The following RAB38 variants were observed in gnomAD, a reference collection of about 807,000 sequenced individuals.
RAB38 encodes ras-related protein Rab-38.
Under a neutral mutation model 18.4 loss-of-function variants are expected in RAB38, and 15 were observed. The observed-to-expected ratio is 0.82, with a 90% confidence interval of 0.55 to 1.26. The LOEUF (loss-of-function observed/expected upper bound fraction) is 1.26, where lower values mean the gene tolerates loss of function less well. Among genes scored for constraint, RAB38 ranks in the 50% most tolerant of loss-of-function variants. The pLI is 0.00. For missense variants in RAB38, 294 were observed against 267.4 expected (o/e 1.10, Z -0.69); for synonymous variants, 101 against 104.4 (o/e 0.97, Z 0.20).
the RAB38 span, among the ~76,000 whole-genome samples, chr11:87,963,771 C>T: frequency 6.6e-6 from 1 of 151,864 alleles, no homozygotes; most frequent in African/African-American, 2.4e-5. Flanking sequence ...CTCAGCCTCC[C>T]AAGTAGCTGG....
chr11:88,113,238 G>A (rs572372172), downstream of RAB38: 2 of 150,650 alleles, frequency 1.3e-5, no homozygotes, highest in Admixed American at 1.3e-4. Flanking sequence ...GAAACTTAAA[G>A]CACTTTCATA....
At chr11:87,884,033 A>T in the RAB38 span, among the ~76,000 whole-genome samples, 2 of 151,958 alleles carry the variant, frequency 1.3e-5, no homozygotes, top group Admixed American at 6.6e-5. Context: ...ATTATTAGGC[A>T]TGAAGGCCAC....
chr11:88,136,548 T>C (rs770254641), intron 2 of RAB38, among the ~76,000 whole-genome samples: 51 of 152,208 alleles, frequency 3.4e-4, no homozygotes, highest in Non-Finnish European at 7.2e-4. Context: ...TTAACATTGG[T>C]TCTGACAGAA....
At chr11:87,950,291 G>A in the RAB38 span, among the ~76,000 whole-genome samples, 7 of 152,106 alleles carry the variant, frequency 4.6e-5, no homozygotes, top group Non-Finnish European at 1.0e-4. Flanking sequence ...CTCTGCACGT[G>A]AGATGGGTTT....
chr11:87,967,431 T>G, the RAB38 span, among the ~76,000 whole-genome samples: 1 of 152,110 alleles, frequency 6.6e-6, no homozygotes, highest in East Asian at 1.9e-4. Context: ...GGATAATATA[T>G]TTTTTTAAAA....
chr11:87,843,783 T>A, the RAB38 span, among the ~76,000 whole-genome samples: 1 of 152,206 alleles, frequency 6.6e-6, no homozygotes, highest in African/African-American at 2.4e-5. Context: ...AGTATAGTTC[T>A]AAGCAAGGGT....
chr11:87,959,597 G>A, the RAB38 span, among the ~76,000 whole-genome samples: 1 of 152,178 alleles, frequency 6.6e-6, no homozygotes, highest in Admixed American at 6.6e-5. Flanking sequence ...TGGCCAGCCA[G>A]CTCATAGACG....
chr11:87,924,189 G>T, the RAB38 span, among the ~76,000 whole-genome samples: 7 of 152,038 alleles, frequency 4.6e-5, no homozygotes, highest in Non-Finnish European at 8.8e-5. Flanking sequence ...AGGTTAACTT[G>T]CTTCCCCAAT....
chr11:88,038,161 A>G, the RAB38 span, among the ~76,000 whole-genome samples: 55 of 152,270 alleles, frequency 3.6e-4, no homozygotes, highest in Non-Finnish European at 6.8e-4. Flanking sequence ...ACATGACCCA[A>G]GATATTTCCC....
At chr11:87,830,256 G>A in the RAB38 span, among the ~76,000 whole-genome samples, 30 of 152,230 alleles carry the variant, frequency 2.0e-4, no homozygotes, top group African/African-American at 7.2e-4. Context: ...GAGGCAGGAG[G>A]ATCTCTTGAG....
the RAB38 span, among the ~76,000 whole-genome samples, chr11:88,077,561 A>C: frequency 1.3e-5 from 2 of 152,144 alleles, no homozygotes; most frequent in Non-Finnish European, 2.9e-5. Flanking sequence ...AAAAGACAGA[A>C]TCTTCAATGA....
chr11:87,939,426 A>G, the RAB38 span, among the ~76,000 whole-genome samples: 2 of 151,340 alleles, frequency 1.3e-5, no homozygotes, highest in Non-Finnish European at 3.0e-5. Flanking sequence ...CTTGACATCA[A>G]TATAGAAATA....
At chr11:87,822,811 C>T in the RAB38 span, among the ~76,000 whole-genome samples, 1 of 151,958 alleles carries the variant, frequency 6.6e-6, no homozygotes, top group Non-Finnish European at 1.5e-5. Context: ...AGGTTGCCTA[C>T]CCACATGATT....
intron 1 of RAB38, among the ~76,000 whole-genome samples, chr11:88,168,429 T>C (rs922409532): frequency 3.3e-5 from 5 of 152,186 alleles, no homozygotes; most frequent in African/African-American, 9.6e-5. Flanking sequence ...GTTATGGCTA[T>C]GGTAAGTCCC....
chr11:88,155,367 A>G (rs909567047), intron 1 of RAB38, among the ~76,000 whole-genome samples: 1 of 152,206 alleles, frequency 6.6e-6, no homozygotes, highest in African/African-American at 2.4e-5. Flanking sequence ...CATAAGCACT[A>G]TCTACTGACT....
In RAB38 at chr11:88,149,822, T is replaced by C; in HGVS notation, c.336A>G (p.Leu112=). The change falls in exon 2 of 3, where the codon TTA becomes TTG. Residue 112 remains leucine, a synonymous_variant. Coordinates refer to ENST00000243662, the MANE Select transcript of RAB38 (RefSeq NM_022337.3). ...AAACCGGTTTGCCATTAGGGAGACT[T>C]AACTTGGAGTCCAAATCATTTTTCC... ...AKWKNDLDSK[L]SLPNGKPVSV... is the part of the protein sequence containing the mutation. 2.5e-6 allele frequency: 4 copies of C among 1,614,114 alleles called. No individual in the cohort carries two copies. The highest frequency in any genetic ancestry group is 3.4e-6 in the Non-Finnish European group (4 of 1,180,020).
the RAB38 span, among the ~76,000 whole-genome samples, chr11:87,888,007 T>C: frequency 2.0e-5 from 3 of 151,982 alleles, no homozygotes; most frequent in East Asian, 5.9e-4. Context: ...GTTCTACTCT[T>C]TTCCTGAAGA....
At chr11:88,096,852 AT>A in the RAB38 span, among the ~76,000 whole-genome samples, 1 of 151,822 alleles carries the variant, frequency 6.6e-6, no homozygotes, top group Non-Finnish European at 1.5e-5. Flanking sequence ...CTAGAAACTT[AT>A]GTCAAAATGT....
At chr11:88,030,972 A>G in the RAB38 span, among the ~76,000 whole-genome samples, 308 of 151,264 alleles carry the variant, frequency 2.0e-3, no homozygotes, top group Non-Finnish European at 3.2e-3. Flanking sequence ...TGATGCAAAA[A>G]TCCTCAATAA....
Sources: gnomAD v4.1 joint callset for allele counts (sites outside exome capture counted in the v4.1 genomes callset) on GRCh38, gnomAD v4.1.1 for gene constraint, MANE v1.5 for transcripts, NCBI Gene and HGNC (gene_info 2026-07-23, HGNC 2026-07-21) for gene names.